STAU1: variants seen among roughly 807,000 people sequenced by gnomAD.
The protein encoded by STAU1 is staufen double-stranded RNA binding protein 1.
Under a neutral mutation model 62.9 loss-of-function variants are expected in STAU1, and 13 were observed. That is an observed-to-expected ratio of 0.21 (90% confidence interval 0.13 to 0.33). The LOEUF is 0.33. Among genes scored for constraint, STAU1 ranks in the 10% least tolerant of loss-of-function variants. The pLI, the probability that STAU1 is intolerant of heterozygous loss-of-function variation, is 1.00. For synonymous variants in STAU1, 269 were observed against 265.1 expected (o/e 1.01, Z -0.14); for missense variants, 571 against 712.1 (o/e 0.80, Z 2.25).
the STAU1 span, among the ~76,000 whole-genome samples, chr20:49,204,825 T>C: frequency 6.6e-6 from 1 of 151,308 alleles, no homozygotes; most frequent in East Asian, 1.9e-4. Flanking sequence ...ATTTTTTGTA[T>C]TTTTAGTAGA....
chr20:49,151,789 G>C (rs1297371392), intron 4 of STAU1, 42 bp from the exon 5 acceptor site: 9 of 1,574,444 alleles, frequency 5.7e-6, no homozygotes, highest in Non-Finnish European at 5.2e-6. Flanking sequence ...GTCTCAAGTT[G>C]ATAAGTCACC....
chr20:49,196,058 AG>A, the STAU1 span, among the ~76,000 whole-genome samples: 8 of 143,760 alleles, frequency 5.6e-5, no homozygotes, highest in Admixed American at 5.6e-4. Context: ...AAGGAGGCGG[AG>A]GTTGCAGTGA....
intron 6 of STAU1, among the ~76,000 whole-genome samples, chr20:49,132,916 A>C (rs2092783071): frequency 6.6e-6 from 1 of 152,238 alleles, no homozygotes; most frequent in Non-Finnish European, 1.5e-5. Flanking sequence ...TTATTCAGTA[A>C]CTATTTCCTA....
chr20:49,212,857 CA>C, the STAU1 span, among the ~76,000 whole-genome samples: 15 of 152,008 alleles, frequency 9.9e-5, no homozygotes, highest in Admixed American at 9.8e-4. Context: ...CTTGGCCTCC[CA>C]AAGTGCTGGG....
intron 3 of STAU1, among the ~76,000 whole-genome samples, chr20:49,164,243 T>C (rs1439165501): frequency 6.6e-6 from 1 of 151,764 alleles, no homozygotes; most frequent in South Asian, 2.1e-4. Context: ...AATAAATAAA[T>C]AGGCATCCCA....
chr20:49,190,905 AT>A (rs11477133), upstream of STAU1, among the ~76,000 whole-genome samples: 17,115 of 140,086 alleles, frequency 0.12, 1,132 homozygotes, highest in South Asian at 0.18. Flanking sequence ...GAGATGCTGA[AT>A]TTTTTTTTTT....
the STAU1 span, among the ~76,000 whole-genome samples, chr20:49,201,756 A>AAG: frequency 3.4e-4 from 50 of 147,966 alleles, no homozygotes; most frequent in Admixed American, 5.6e-4. Flanking sequence ...AAAAAAAAAA[A>AAG]AAAAATGGGG....
chr20:49,114,585 C>G lies in STAU1; in HGVS notation c.*293G>C. 2.0e-5 allele frequency: 8 copies of G among 396,284 alleles called. No homozygotes were observed. The highest frequency in any genetic ancestry group is 6.5e-5 in the South Asian group (1 of 15,492). The allele number at this position is 396,284 out of a possible 1,614,324, so 24.5% of individuals were successfully genotyped here. A position where few individuals can be genotyped will look rare whatever the true frequency, so the allele number is the denominator to read the frequency against. ...CGGAGGTGCCCAGGGTGTGGATCTG[C>G]TGGTGTCCCGGGAGAACCAGCTGGC... On this transcript the variant is annotated 3_prime_UTR_variant, in exon 14 of 14. Transcript: ENST00000371856.
chr20:49,208,283 C>T, the STAU1 span, among the ~76,000 whole-genome samples: 2 of 152,112 alleles, frequency 1.3e-5, no homozygotes, highest in South Asian at 2.1e-4. Context: ...TGGTCTCGAT[C>T]TCTTGACCTC....
intron 9 of STAU1, 100 bp from the exon 10 acceptor site, chr20:49,118,508 TA>T: frequency 1.1e-6 from 1 of 932,480 alleles, no homozygotes; most frequent in Non-Finnish European, 1.6e-6. Context: ...CAGTCAGCAA[TA>T]ACTGTGGCAA....
chr20:49,135,629 A>C (rs528170420), intron 6 of STAU1, among the ~76,000 whole-genome samples: 1 of 152,314 alleles, frequency 6.6e-6, no homozygotes, highest in Admixed American at 6.5e-5. Flanking sequence ...TGAACTCTCT[A>C]CACATCCATG....
intron 10 of STAU1, 68 bp downstream of exon 10, chr20:49,118,265 T>G: frequency 6.8e-7 from 1 of 1,462,704 alleles, no homozygotes; most frequent in Non-Finnish European, 9.5e-7. Context: ...GGGCTCCTGC[T>G]GTTATTCAGG....
chr20:49,147,330 G>A (rs891330927), intron 5 of STAU1, among the ~76,000 whole-genome samples: 4 of 152,192 alleles, frequency 2.6e-5, no homozygotes, highest in Middle Eastern at 3.2e-3. Context: ...CTAGCACAGC[G>A]CCTGGCATGG....
chr20:49,186,394 G>A (rs987035356), intron 1 of STAU1, among the ~76,000 whole-genome samples: 12 of 151,516 alleles, frequency 7.9e-5, no homozygotes, highest in African/African-American at 2.9e-4. Flanking sequence ...ACAATGGTAA[G>A]ACTGTCAGAA....
chr20:49,126,349 C>T (rs1002955868), intron 6 of STAU1, among the ~76,000 whole-genome samples: 8 of 151,426 alleles, frequency 5.3e-5, no homozygotes, highest in African/African-American at 1.7e-4. Flanking sequence ...ATCACTTGAG[C>T]TCAGAAGTTC....
At chr20:49,142,768 A>C (rs2093037728) in intron 5 of STAU1, among the ~76,000 whole-genome samples, 1 of 152,158 alleles carries the variant, frequency 6.6e-6, no homozygotes, top group Non-Finnish European at 1.5e-5. Flanking sequence ...AATGCAAAAA[A>C]ACATATTTGA....
chr20:49,114,764 C>G lies in STAU1; in HGVS notation c.*114G>C. 1.0e-6 allele frequency: 1 copy of G among 975,266 alleles called. No homozygotes were observed. The highest frequency in any genetic ancestry group is 1.4e-5 in the South Asian group (1 of 73,198). The allele number at this position is 975,266 out of a possible 1,614,324, so 60.4% of individuals were successfully genotyped here. A position where few individuals can be genotyped will look rare whatever the true frequency, so the allele number is the denominator to read the frequency against. ...TCCCTGCTGCTGCCCACATCCTTTACCCACCGTGTCTCTCGGCCCACTGGA... is the reference window on the plus strand; with the variant it reads ...TCCCTGCTGCTGCCCACATCCTTTAGCCACCGTGTCTCTCGGCCCACTGGA... On this transcript the variant is annotated 3_prime_UTR_variant, in exon 14 of 14. Coordinates refer to ENST00000371856, the MANE Select transcript of STAU1 (RefSeq NM_017453.4).
intron 6 of STAU1, among the ~76,000 whole-genome samples, chr20:49,128,622 T>C (rs1342218457): frequency 6.6e-6 from 1 of 151,038 alleles, no homozygotes; most frequent in Non-Finnish European, 1.5e-5. Context: ...AGAGGGGAGG[T>C]GCAAAGGTTA....
rs1344359594 is a variant in STAU1, at chr20:49,113,567, A to C, written c.*1311T>G. On this transcript the variant is annotated 3_prime_UTR_variant, in exon 14 of 14. Transcript: ENST00000371856. The stretch of plus-strand genomic sequence containing the variant: ...GATGACAAACACTTAAGTTTTACTT[A>C]CATTCCATGGGGAGAAAAATTCCAG... 2.0e-5 allele frequency: 3 copies of C among 152,670 alleles called. No individual in the cohort carries two copies. Among genetic ancestry groups the C allele is most frequent in the Non-Finnish European group, 4.4e-5 (3 of 68,046 alleles). The allele number at this position is 152,670 out of a possible 1,614,324, so 9.5% of individuals were successfully genotyped here. A position where few individuals can be genotyped will look rare whatever the true frequency, so the allele number is the denominator to read the frequency against.
Sources: gnomAD v4.1 joint callset for allele counts (sites outside exome capture counted in the v4.1 genomes callset) on GRCh38, gnomAD v4.1.1 for gene constraint, MANE v1.5 for transcripts, NCBI Gene and HGNC (gene_info 2026-07-23, HGNC 2026-07-21) for gene names.